Variants in TBC1D5 observed in about 807,000 individuals in gnomAD.
TBC1D5 encodes TBC1 domain family, member 5.
TBC1D5 carries 75 observed loss-of-function variants against 100.3 expected under a neutral mutation model. The ratio of observed to expected loss-of-function variants is 0.75; its 90% CI spans 0.62 to 0.91. The LOEUF (loss-of-function observed/expected upper bound fraction) is 0.91, where lower values mean the gene tolerates loss of function less well. Among genes scored for constraint, TBC1D5 ranks in the 40% least tolerant of loss-of-function variants. The pLI, the probability that TBC1D5 is intolerant of heterozygous loss-of-function variation, is 0.00. For synonymous variants in TBC1D5, 323 were observed against 325.6 expected (o/e 0.99, Z 0.09); for missense variants, 910 against 942.4 (o/e 0.97, Z 0.45).
chr3:17,208,333 G>C (rs192353790), intron 18 of TBC1D5, among the ~76,000 whole-genome samples: 1 of 152,338 alleles, frequency 6.6e-6, no homozygotes, highest in East Asian at 1.9e-4. Flanking sequence ...GGTGTCACAG[G>C]AAAAGAGAGC....
At chr3:17,586,565 A>T (rs2096734402) in intron 2 of TBC1D5, 1 of 152,136 alleles carries the variant, frequency 6.6e-6, no homozygotes, top group Non-Finnish European at 1.5e-5. Flanking sequence ...TCCCTAGAAA[A>T]ATAAATAAAT....
chr3:17,596,466 C>G (rs769831199), intron 2 of TBC1D5, among the ~76,000 whole-genome samples: 1 of 151,254 alleles, frequency 6.6e-6, no homozygotes, highest in Non-Finnish European at 1.5e-5. Context: ...TTACAGATGC[C>G]CACCACCACA....
At chr3:17,507,475 G>A (rs926644883) in intron 3 of TBC1D5, among the ~76,000 whole-genome samples, 1 of 152,070 alleles carries the variant, frequency 6.6e-6, no homozygotes, top group Non-Finnish European at 1.5e-5. Context: ...TAAAAATTCT[G>A]CATAAAATTT....
At chr3:17,166,545 C>T (rs530735216) in intron 21 of TBC1D5, among the ~76,000 whole-genome samples, 6 of 152,302 alleles carry the variant, frequency 3.9e-5, no homozygotes, top group South Asian at 2.1e-4. Flanking sequence ...GGGCACGCAC[C>T]GCACGGCTCT....
intron 3 of TBC1D5, among the ~76,000 whole-genome samples, chr3:17,489,422 C>A (rs114660832): frequency 0.011 from 1,601 of 152,190 alleles, 23 homozygotes; most frequent in African/African-American, 0.036. Flanking sequence ...TAAATACACT[C>A]CTATGAACCT....
intron 3 of TBC1D5, among the ~76,000 whole-genome samples, chr3:17,497,914 T>C (rs918048709): frequency 1.3e-5 from 2 of 152,112 alleles, no homozygotes; most frequent in African/African-American, 4.8e-5. Flanking sequence ...TTAAAGATAT[T>C]TGTTAAGTTC....
intron 2 of TBC1D5, among the ~76,000 whole-genome samples, chr3:17,553,825 A>G (rs988236800): frequency 1.2e-4 from 19 of 152,242 alleles, no homozygotes; most frequent in Non-Finnish European, 2.6e-4. Context: ...GGGTTCAGAT[A>G]AGAGACTTAG....
intron 3 of TBC1D5, among the ~76,000 whole-genome samples, chr3:17,436,384 T>C (rs966363166): frequency 1.3e-5 from 2 of 152,216 alleles, no homozygotes; most frequent in African/African-American, 4.8e-5. Context: ...AATCAATGTA[T>C]TTATAATACT....
At chr3:17,266,414 C>T (rs921744192) in intron 15 of TBC1D5, among the ~76,000 whole-genome samples, 3 of 151,910 alleles carry the variant, frequency 2.0e-5, no homozygotes, top group Non-Finnish European at 4.4e-5. Flanking sequence ...TTCATTTATC[C>T]AAGAGTTGAT....
At chr3:17,650,856 C>T (rs2065480418) in intron 1 of TBC1D5, among the ~76,000 whole-genome samples, 5 of 152,108 alleles carry the variant, frequency 3.3e-5, no homozygotes, top group Admixed American at 3.3e-4. Flanking sequence ...TTATCACATC[C>T]CTTTTCAACT....
At chr3:17,651,792 G>C (rs1171727377) in intron 1 of TBC1D5, among the ~76,000 whole-genome samples, 1 of 152,100 alleles carries the variant, frequency 6.6e-6, no homozygotes. Flanking sequence ...TCCATTGTTA[G>C]GTGAGGAGAA....
At chr3:17,229,465 T>C (rs549962473) in intron 17 of TBC1D5, among the ~76,000 whole-genome samples, 1 of 152,298 alleles carries the variant, frequency 6.6e-6, no homozygotes, top group South Asian at 2.1e-4. Flanking sequence ...CATGTGTCTT[T>C]AGAATATCAG....
intron 13 of TBC1D5, among the ~76,000 whole-genome samples, chr3:17,336,162 C>T (rs2087750736): frequency 6.6e-6 from 1 of 151,688 alleles, no homozygotes. Context: ...CCAGAGAAGC[C>T]AAAGATAGCT....
At chr3:17,732,253 G>C (rs777050564) in intron 1 of TBC1D5, among the ~76,000 whole-genome samples, 1 of 151,392 alleles carries the variant, frequency 6.6e-6, no homozygotes, top group South Asian at 2.1e-4. Context: ...ATGAGGCAGA[G>C]ATTGCAGTGA....
chr3:17,644,184 A>G (rs1352553410), intron 1 of TBC1D5: 2 of 152,124 alleles, frequency 1.3e-5, no homozygotes, highest in South Asian at 2.1e-4. Flanking sequence ...AAGCCCATCA[A>G]TCTAATGCCA....
At chr3:17,714,021 C>T (rs1011259969) in intron 1 of TBC1D5, among the ~76,000 whole-genome samples, 6 of 152,266 alleles carry the variant, frequency 3.9e-5, no homozygotes, top group African/African-American at 1.4e-4. Flanking sequence ...TTTTTTCATG[C>T]CCTAGCCCCA....
intron 2 of TBC1D5, among the ~76,000 whole-genome samples, chr3:17,555,639 A>T (rs1185074943): frequency 6.6e-6 from 1 of 152,216 alleles, no homozygotes; most frequent in Admixed American, 6.5e-5. Flanking sequence ...CTTCTCCCAC[A>T]AGAGATAACC....
rs371553307 is a variant in TBC1D5, at chr3:17,382,022, T to G, written c.612+1891A>C. 2.6e-5 allele frequency among the ~76,000 whole-genome samples: 4 copies of G among 152,062 alleles called. No homozygotes were observed. The East Asian group carries it at 7.7e-4, about 29-fold the overall frequency. On this transcript the variant is annotated intron_variant, in intron 9 of 21. Coordinates refer to ENST00000253692, the Ensembl canonical transcript of TBC1D5. ...TTCACATAATACTGTCACATTAGTTTGATCACAGAACCTTTATAGAAGTTT... is the reference window on the plus strand; with the variant it reads ...TTCACATAATACTGTCACATTAGTTGGATCACAGAACCTTTATAGAAGTTT...
intron 4 of TBC1D5, among the ~76,000 whole-genome samples, chr3:17,415,363 T>G (rs1445474635): frequency 6.6e-6 from 1 of 151,920 alleles, no homozygotes; most frequent in Non-Finnish European, 1.5e-5. Context: ...GGTTTCACTG[T>G]GTTAGCCAGG....
Sources: gnomAD v4.1 joint callset for allele counts (sites outside exome capture counted in the v4.1 genomes callset) on GRCh38, gnomAD v4.1.1 for gene constraint, MANE v1.5 for transcripts, NCBI Gene and HGNC (gene_info 2026-07-23, HGNC 2026-07-21) for gene names.